TAB2: variants seen among roughly 807,000 people sequenced by gnomAD.
TAB2 encodes the protein TGF-beta activated kinase 1 (MAP3K7) binding protein 2, also known as TGF-beta-activated kinase 1 and MAP3K7-binding protein 2.
TAB2 carries 3 observed loss-of-function variants against 65.0 expected under a neutral mutation model. That is an observed-to-expected ratio of 0.05 (90% CI 0.02 to 0.12). The LOEUF (loss-of-function observed/expected upper bound fraction) is 0.12, where lower values mean the gene tolerates loss of function less well. Among genes scored for constraint, TAB2 ranks in the 10% least tolerant of loss-of-function variants. The pLI is 1.00. For synonymous variants in TAB2, 298 were observed against 285.1 expected, an observed-to-expected ratio of 1.05 and a Z score of -0.46; for missense variants, 623 against 840.3, an observed-to-expected ratio of 0.74 and a Z score of 3.20.
chr6:149,353,105 G>A (rs1299303068), intron 1 of TAB2, among the ~76,000 whole-genome samples: 1 of 152,108 alleles, frequency 6.6e-6, no homozygotes, highest in Non-Finnish European at 1.5e-5. Flanking sequence ...TACTGGTGGA[G>A]TATCTTGTTT....
intron 1 of TAB2, among the ~76,000 whole-genome samples, chr6:149,249,446 C>CTCTCTCTGTCTCTCTATCTCTGTCTT (rs1777811820): frequency 6.6e-6 from 1 of 152,088 alleles, no homozygotes; most frequent in Non-Finnish European, 1.5e-5. Flanking sequence ...CCATCTCTGT[C>CTCTCTCTGTCTCTCTATCTCTGTCTT]TCTCTCTGTC....
At chr6:149,347,878 T>G (rs1019769793) in intron 1 of TAB2, among the ~76,000 whole-genome samples, 1 of 152,148 alleles carries the variant, frequency 6.6e-6, no homozygotes, top group South Asian at 2.1e-4. Flanking sequence ...AAATAGTGTA[T>G]GTACTTAGGT....
chr6:149,310,911 A>G (rs1289502875), intron 1 of TAB2, among the ~76,000 whole-genome samples: 1 of 152,184 alleles, frequency 6.6e-6, no homozygotes, highest in Non-Finnish European at 1.5e-5. Flanking sequence ...AAAAAGGAAA[A>G]ATCTACCATG....
intron 1 of TAB2, among the ~76,000 whole-genome samples, chr6:149,295,377 G>T (rs7752334): frequency 0.022 from 3,326 of 152,104 alleles, 100 homozygotes; most frequent in African/African-American, 0.072. Flanking sequence ...TAATTTACCC[G>T]GTTTGAGATT....
chr6:149,381,569 C>CTT (rs557951574), intron 3 of TAB2, among the ~76,000 whole-genome samples: 1,344 of 95,392 alleles, frequency 0.014, 5 homozygotes, highest in Non-Finnish European at 0.017. Context: ...CCCTCCTATT[C>CTT]TTTTTTTTTT....
intron 1 of TAB2, 56 bp from the exon 2 acceptor site, chr6:149,369,850 CACA>C: frequency 1.5e-6 from 1 of 669,280 alleles, no homozygotes. Context: ...ATTTTAAATC[CACA>C]ACAATATTCC....
chr6:149,218,680 C>G, exon 1 of TAB2: 1 of 449,840 alleles, frequency 2.2e-6, no homozygotes, highest in Non-Finnish European at 4.5e-6. Context: ...CTGTAAAGAT[C>G]TAAACACCAT....
chr6:149,282,040 C>T (rs150382599), intron 1 of TAB2, among the ~76,000 whole-genome samples: 154 of 152,168 alleles, frequency 1.0e-3, no homozygotes, highest in African/African-American at 3.6e-3. Context: ...ATGGCAGGTG[C>T]CTATAATCCC....
intron 1 of TAB2, chr6:149,247,609 C>A (rs1216586872): frequency 6.6e-6 from 1 of 152,230 alleles, no homozygotes; most frequent in Non-Finnish European, 1.5e-5. Flanking sequence ...TTGATTGTAT[C>A]CTTTTTGCAT....
chr6:149,253,962 G>A (rs9390666), intron 1 of TAB2, among the ~76,000 whole-genome samples: 7,465 of 40,170 alleles, frequency 0.19, 259 homozygotes, highest in East Asian at 0.27. Flanking sequence ...GAAAGAAAAA[G>A]AAAGAAAGAA....
At chr6:149,317,417 A>AGCCGCAGCC (rs571243594), upstream of TAB2, 9 of 169,450 alleles carry the variant, frequency 5.3e-5, no homozygotes, top group African/African-American at 2.2e-4. This position sits in a 1 kb window ranked among gnomAD's most constrained non-coding sequence, Gnocchi z 4.7. Flanking sequence ...CCGCAGCCGC[A>AGCCGCAGCC]GCCGCCGCCG....
chr6:149,399,025 A>C, intron 5 of TAB2, 79 bp from the exon 6 acceptor site: 1 of 1,253,034 alleles, frequency 8.0e-7, no homozygotes. Context: ...GTTTATTTTT[A>C]GAAAGAAATA....
At chr6:149,320,229 A>G (rs1405096305) in intron 1 of TAB2, among the ~76,000 whole-genome samples, 1 of 152,124 alleles carries the variant, frequency 6.6e-6, no homozygotes, top group Non-Finnish European at 1.5e-5. Context: ...GGCGCTTGCC[A>G]CCACGCCCGG....
chr6:149,249,096 T>G (rs1777801336), intron 1 of TAB2, among the ~76,000 whole-genome samples: 1 of 150,980 alleles, frequency 6.6e-6, no homozygotes, highest in African/African-American at 2.4e-5. Flanking sequence ...CAGTCTCTCT[T>G]CCCTTCCCCC....
chr6:149,301,878 A>T (rs1242702192), intron 1 of TAB2, among the ~76,000 whole-genome samples: 1 of 152,166 alleles, frequency 6.6e-6, no homozygotes, highest in Non-Finnish European at 1.5e-5. Flanking sequence ...ATAGAAGTAA[A>T]CTTTGAAAGA....
At chr6:149,386,188 T>G (rs976380898) in intron 3 of TAB2, among the ~76,000 whole-genome samples, 1 of 152,232 alleles carries the variant, frequency 6.6e-6, no homozygotes, top group Admixed American at 6.5e-5. Flanking sequence ...CTACAATATG[T>G]CTGACATTCA....
At chr6:149,405,490 T>C (rs183346140) in intron 6 of TAB2, among the ~76,000 whole-genome samples, 4 of 152,260 alleles carry the variant, frequency 2.6e-5, no homozygotes, top group South Asian at 4.1e-4. Flanking sequence ...AGCCAAAATA[T>C]GAAAACAACA....
intron 1 of TAB2, among the ~76,000 whole-genome samples, chr6:149,325,463 GAC>G (rs1046501396): frequency 3.9e-5 from 6 of 152,116 alleles, no homozygotes; most frequent in African/African-American, 9.7e-5. Flanking sequence ...TAACTCCTTA[GAC>G]CAAGATGAAA....
At chr6:149,396,917 T>C (rs777496409) in intron 3 of TAB2, among the ~76,000 whole-genome samples, 1 of 152,232 alleles carries the variant, frequency 6.6e-6, no homozygotes, top group African/African-American at 2.4e-5. Flanking sequence ...ATTAGAATGC[T>C]TCATTCATAG....
Sources: allele counts gnomAD v4.1 joint callset (sites outside exome capture counted in the v4.1 genomes callset), GRCh38; gene constraint gnomAD v4.1.1; non-coding constraint Gnocchi (gnomAD v3.1); transcripts MANE v1.5; gene names NCBI Gene and HGNC (gene_info 2026-07-23, HGNC 2026-07-21).